ERBB4: variants seen among roughly 807,000 people sequenced by gnomAD.
ERBB4 encodes the protein receptor tyrosine-protein kinase erbB-4.
In ERBB4, 42 loss-of-function variants were observed where a neutral mutation model predicts 158.0. The ratio of observed to expected loss-of-function variants is 0.27; its 90% confidence interval spans 0.21 to 0.34. The LOEUF is 0.34. ERBB4 is among the 10% of genes least tolerant of loss of function. The probability of loss-of-function intolerance (pLI) is 1.00; values close to 1 mark genes in which losing one functional copy is unlikely to be tolerated. For synonymous variants in ERBB4, 583 were observed against 558.7 expected (o/e 1.04, Z -0.61); for missense variants, 1,333 against 1,624.1 (o/e 0.82, Z 3.08).
chr2:211,650,028 T>C (rs1458497782), intron 16 of ERBB4, among the ~76,000 whole-genome samples: 3 of 151,950 alleles, frequency 2.0e-5, no homozygotes, highest in Non-Finnish European at 4.4e-5. Context: ...GAAAAAGGCA[T>C]GAAGAGAGCA....
intron 19 of ERBB4, among the ~76,000 whole-genome samples, chr2:211,602,463 T>C (rs1559339370): frequency 6.6e-6 from 1 of 152,056 alleles, no homozygotes; most frequent in Non-Finnish European, 1.5e-5. Context: ...CAGAGGATGC[T>C]TACTGTTTGC....
At chr2:212,488,130 T>C (rs925344780) in intron 1 of ERBB4, among the ~76,000 whole-genome samples, 1 of 152,110 alleles carries the variant, frequency 6.6e-6, no homozygotes, top group Non-Finnish European at 1.5e-5. Flanking sequence ...CCAAACTCTA[T>C]GGATGATATC....
chr2:211,480,530 C>T (rs921059108), intron 20 of ERBB4, among the ~76,000 whole-genome samples: 1 of 152,096 alleles, frequency 6.6e-6, no homozygotes, highest in Non-Finnish European at 1.5e-5. Flanking sequence ...TTGTAAGTTT[C>T]CCGAGTCCTC....
At chr2:211,460,669 T>C (rs189891059) in intron 20 of ERBB4, among the ~76,000 whole-genome samples, 5 of 152,312 alleles carry the variant, frequency 3.3e-5, no homozygotes, top group African/African-American at 1.2e-4. Context: ...CAACTTGCCA[T>C]GTTGAAGAAT....
chr2:212,067,564 C>T (rs1194672065), intron 2 of ERBB4, among the ~76,000 whole-genome samples: 1 of 151,952 alleles, frequency 6.6e-6, no homozygotes, highest in African/African-American at 2.4e-5. Flanking sequence ...ATTATGTAAA[C>T]TTCAAGGTAC....
In ERBB4 at chr2:212,293,414, T is replaced by G. The variant is rs376533037; in HGVS notation, c.83-168511A>C. Among the ~76,000 whole-genome samples the G allele has an allele frequency of 3.9e-5, 6 of 152,004 alleles. No individual in the cohort carries two copies. The South Asian group carries it at 8.3e-4, about 21-fold the overall frequency. ...AATATAGCTTTCAATAATAGAAAAA[T>G]AGCTCCAAATCACCTTCTAAAAAAC... On this transcript the variant is annotated intron_variant, in intron 1 of 27. Coordinates refer to ENST00000342788, the MANE Select transcript of ERBB4 (RefSeq NM_005235.3).
At chr2:211,608,029 A>G (rs2069053455) in intron 19 of ERBB4, among the ~76,000 whole-genome samples, 1 of 151,798 alleles carries the variant, frequency 6.6e-6, no homozygotes, top group African/African-American at 2.4e-5. Context: ...CTCAGGCTCC[A>G]GAATCTTTTT....
chr2:212,410,821 C>CT (rs1486354063), intron 1 of ERBB4, among the ~76,000 whole-genome samples: 1 of 152,058 alleles, frequency 6.6e-6, no homozygotes, highest in African/African-American at 2.4e-5. Context: ...ATGTAAGACT[C>CT]TAACATGTAC....
intron 3 of ERBB4, among the ~76,000 whole-genome samples, chr2:211,804,017 A>G (rs374718620): frequency 9.2e-5 from 14 of 152,316 alleles, no homozygotes; most frequent in African/African-American, 3.4e-4. Context: ...GGAGTAGAAT[A>G]AGCGTCTGGC....
chr2:212,172,036 A>G (rs2081533902), intron 1 of ERBB4, among the ~76,000 whole-genome samples: 1 of 152,296 alleles, frequency 6.6e-6, no homozygotes, highest in African/African-American at 2.4e-5. Flanking sequence ...CAAAGGTGTG[A>G]TACCTAGCAT....
intron 3 of ERBB4, among the ~76,000 whole-genome samples, chr2:211,858,120 G>A (rs1190927695): frequency 6.6e-6 from 1 of 152,204 alleles, no homozygotes; most frequent in Non-Finnish European, 1.5e-5. Context: ...AGGGAAATAA[G>A]ACTGAAGGAG....
At chr2:212,103,881 C>T (rs563196668) in intron 2 of ERBB4, among the ~76,000 whole-genome samples, 1 of 152,064 alleles carries the variant, frequency 6.6e-6, no homozygotes, top group South Asian at 2.1e-4. Context: ...ATTTTATGTT[C>T]TGAAAGAGAA....
intron 5 of ERBB4, among the ~76,000 whole-genome samples, chr2:211,749,512 ACG>A (rs1225304631): frequency 1.3e-3 from 188 of 142,492 alleles, no homozygotes; most frequent in African/African-American, 4.3e-3. Context: ...GGTGGGACCC[ACG>A]TGGGAAGATA....
At chr2:211,607,558 A>C (rs950318710) in intron 19 of ERBB4, among the ~76,000 whole-genome samples, 1 of 152,112 alleles carries the variant, frequency 6.6e-6, no homozygotes, top group Non-Finnish European at 1.5e-5. Flanking sequence ...CAACACCCTC[A>C]CTGATTGCTT....
At chr2:211,486,952 TTAAAA>T (rs71987213) in intron 20 of ERBB4, among the ~76,000 whole-genome samples, 3,091 of 152,176 alleles carry the variant, frequency 0.02, 100 homozygotes, top group African/African-American at 0.07. Flanking sequence ...TAATATATTC[TTAAAA>T]TAATCTATTT....
chr2:211,770,100 GA>G (rs1241446676), intron 4 of ERBB4, among the ~76,000 whole-genome samples: 1 of 152,140 alleles, frequency 6.6e-6, no homozygotes, highest in African/African-American at 2.4e-5. Flanking sequence ...TCCAGGCTTA[GA>G]AATTTTTGCA....
At chr2:212,152,940 G>A (rs927560744) in intron 1 of ERBB4, among the ~76,000 whole-genome samples, 1 of 152,138 alleles carries the variant, frequency 6.6e-6, no homozygotes, top group African/African-American at 2.4e-5. Context: ...ATGTTCCACA[G>A]TTTCCACATT....
chr2:211,382,174 T>C lies in ERBB4; in HGVS notation c.*1441A>G, dbSNP rs927085321. Reference sequence around the variant, plus strand: ...AATGTTTGTGTTTTTCTTTTTATTATACCAATTTATGTGCAAAGAGTTACC... The same window carrying C: ...AATGTTTGTGTTTTTCTTTTTATTACACCAATTTATGTGCAAAGAGTTACC... On this transcript the variant is annotated 3_prime_UTR_variant, in exon 28 of 28. Transcript: ENST00000342788. 1.9e-4 allele frequency: 43 copies of C among 231,266 alleles called. No individual in the cohort carries two copies. The highest frequency in any genetic ancestry group is 7.7e-4 in the African/African-American group (35 of 45,258). The allele number at this position is 231,266 out of a possible 1,614,324, so 14.3% of individuals were successfully genotyped here. A position where few individuals can be genotyped will look rare whatever the true frequency, so the allele number is the denominator to read the frequency against.
At chr2:211,507,719 C>G (rs2065785451) in intron 20 of ERBB4, among the ~76,000 whole-genome samples, 1 of 152,082 alleles carries the variant, frequency 6.6e-6, no homozygotes, top group African/African-American at 2.4e-5. Context: ...CATCACACTA[C>G]CTGACTTCAA....
Sources: gnomAD v4.1 joint callset for allele counts (sites outside exome capture counted in the v4.1 genomes callset) on GRCh38, gnomAD v4.1.1 for gene constraint, MANE v1.5 for transcripts, NCBI Gene and HGNC (gene_info 2026-07-23, HGNC 2026-07-21) for gene names.